ZNF75D: variants seen among roughly 807,000 people sequenced by gnomAD.
ZNF75D encodes zinc finger protein 75D, also known as zinc finger protein 75.
A neutral mutation model predicts 33.3 loss-of-function variants in ZNF75D; 33 were observed. That is an observed-to-expected ratio of 0.99 (90% CI 0.75 to 1.32). The LOEUF (loss-of-function observed/expected upper bound fraction) is 1.32. ZNF75D is among the 40% of genes most tolerant of loss of function. The pLI, the probability that ZNF75D is intolerant of heterozygous loss-of-function variation, is 0.00. For missense variants in ZNF75D, 338 were observed against 367.5 expected (o/e 0.92, Z 0.66); for synonymous variants, 113 against 130.6 (o/e 0.87, Z 0.92).
intron 1 of ZNF75D, among the ~76,000 whole-genome samples, chrX:135,321,785 A>G (rs185678775): frequency 1.4e-3 from 161 of 111,976 alleles, no homozygotes; most frequent in African/African-American, 4.9e-3. Context: ...GGCTGGTGGG[A>G]AAAATTTTAG....
At chrX:135,256,987 A>G (rs1556414307) in intron 1 of ZNF75D, among the ~76,000 whole-genome samples, 1 of 111,258 alleles carries the variant, frequency 9.0e-6, no homozygotes. Context: ...AGGACCTATC[A>G]CCTGCTGACT....
chrX:135,332,470 C>T (rs2084662745), intron 1 of ZNF75D, among the ~76,000 whole-genome samples: 1 of 111,116 alleles, frequency 9.0e-6, no homozygotes, highest in Non-Finnish European at 1.9e-5. Context: ...CTCATTCATC[C>T]CTTCTGCCAT....
chrX:135,336,270 C>T (rs1446285115), intron 1 of ZNF75D, among the ~76,000 whole-genome samples: 1 of 111,930 alleles, frequency 8.9e-6, no homozygotes, highest in Non-Finnish European at 1.9e-5. Flanking sequence ...TCTGCTGGTG[C>T]CTTGATTTTG....
chrX:135,323,019 T>C (rs1556435490), intron 1 of ZNF75D, among the ~76,000 whole-genome samples: 1 of 112,634 alleles, frequency 8.9e-6, no homozygotes, highest in Non-Finnish European at 1.9e-5. Context: ...AAATTAATTC[T>C]GAATCCAGAG....
rs555179105 is a variant in ZNF75D at position 135,325,144 on chromosome X, T to C, written c.-391+16624A>G. Among the ~76,000 whole-genome samples, 10 of 109,606 alleles carry C rather than the reference T, an allele frequency of 9.1e-5. No homozygotes were observed. In the South Asian group the frequency reaches 4.0e-3, roughly 44 times the overall value. ...TCAGAGGTTGGCTGAGGTGACCACA[T>C]GATAAATGCTAAGGGAGGAGGATTA... On this transcript the variant is annotated intron_variant, in intron 1 of 6. Coordinates refer to ENST00000370766, the MANE Select transcript of ZNF75D (RefSeq NM_007131.5).
At chrX:135,279,470 T>C (rs1455263847) in intron 1 of ZNF75D, among the ~76,000 whole-genome samples, 4 of 111,869 alleles carry the variant, frequency 3.6e-5, no homozygotes, top group African/African-American at 1.3e-4. Context: ...GAAGGGTTTT[T>C]CATGTCTCTA....
chrX:135,313,868 A>G (rs1212302356), intron 1 of ZNF75D, among the ~76,000 whole-genome samples: 2 of 112,145 alleles, frequency 1.8e-5, no homozygotes, highest in Non-Finnish European at 3.8e-5. Context: ...ACATTTGTTT[A>G]TCAGCTCTAA....
chrX:135,269,252 G>C (rs989304111), intron 1 of ZNF75D, among the ~76,000 whole-genome samples: 1 of 111,617 alleles, frequency 9.0e-6, no homozygotes, highest in Non-Finnish European at 1.9e-5. Flanking sequence ...GGACAAATGG[G>C]ATCATATCAA....
chrX:135,333,126 A>C (rs1346435404), intron 1 of ZNF75D, among the ~76,000 whole-genome samples: 1 of 111,533 alleles, frequency 9.0e-6, no homozygotes, highest in Non-Finnish European at 1.9e-5. Flanking sequence ...GAGAGAAAGA[A>C]AATTTGGCTG....
chrX:135,280,215 T>C (rs2083914921), intron 1 of ZNF75D, among the ~76,000 whole-genome samples: 1 of 112,398 alleles, frequency 8.9e-6, no homozygotes, highest in African/African-American at 3.2e-5. Context: ...TCTTGTTGCA[T>C]TGATCCCTTT....
chrX:135,313,331 A>G (rs1012473782), intron 1 of ZNF75D, among the ~76,000 whole-genome samples: 2 of 111,730 alleles, frequency 1.8e-5, no homozygotes, highest in African/African-American at 6.5e-5. Context: ...AGAGTTCTCT[A>G]TACATTGGTC....
chrX:135,311,242 A>C (rs1324068482), intron 1 of ZNF75D, among the ~76,000 whole-genome samples: 1 of 111,930 alleles, frequency 8.9e-6, no homozygotes, highest in African/African-American at 3.2e-5. Context: ...GGCAGTAGAC[A>C]AAATCGCTGA....
intron 1 of ZNF75D, among the ~76,000 whole-genome samples, chrX:135,269,970 G>A (rs1408224790): frequency 9.0e-6 from 1 of 111,071 alleles, no homozygotes; most frequent in Non-Finnish European, 1.9e-5. Context: ...AGGTCATTAT[G>A]TTAAGCAAAG....
At chrX:135,268,794 G>T (rs148490356) in intron 1 of ZNF75D, among the ~76,000 whole-genome samples, 219 of 111,488 alleles carry the variant, frequency 2.0e-3, no homozygotes, top group African/African-American at 6.7e-3. Context: ...AGCCAAAGCT[G>T]TCCTGAGCAA....
In ZNF75D at chrX:135,289,194, A is replaced by G. The variant is rs2083999811; in HGVS notation, c.824-1348T>C. Among the ~76,000 whole-genome samples the G allele has an allele frequency of 2.7e-5, 3 of 112,957 alleles. No homozygotes were observed. The South Asian group carries it at 1.1e-3, about 40-fold the overall frequency. ...AGTGGTGCTGCTCAGTGGCTTGCAT[A>G]TAGACTTGCTATGAAGAAATGCAGA... On this transcript the variant is annotated intron_variant, in intron 6 of 6. Coordinates refer to ENST00000370766, the MANE Select transcript of ZNF75D (RefSeq NM_007131.5).
In ZNF75D at chrX:135,293,826, G is replaced by C. The variant is rs1556421953; in HGVS notation, c.315C>G (p.Thr105=). ...GATGATGCTTCTGCACCCAGTTCTGGGTCTCCTTGGGCAGAATGCTCAGGA... is the reference window on the plus strand; with the variant it reads ...GATGATGCTTCTGCACCCAGTTCTGCGTCTCCTTGGGCAGAATGCTCAGGA... ...EQFLSILPKE[T]QNWVQKHHPQ... The change falls in exon 3 of 7, where the codon ACC becomes ACG. Residue 105 remains threonine, a synonymous_variant. Transcript: ENST00000370766. The C allele has an allele frequency of 8.3e-7, 1 of 1,210,114 alleles. No homozygotes were observed.
downstream of ZNF75D, among the ~76,000 whole-genome samples, chrX:135,284,499 C>A (rs1343464971): frequency 9.0e-6 from 1 of 111,623 alleles, no homozygotes; most frequent in African/African-American, 3.3e-5. Context: ...GCACTGATTT[C>A]TAGATCCTGT....
chrX:135,307,495 A>G (rs782104116), intron 1 of ZNF75D, among the ~76,000 whole-genome samples: 190 of 112,012 alleles, frequency 1.7e-3, no homozygotes, highest in African/African-American at 5.9e-3. Context: ...CATGTCCTGC[A>G]TATAGACACT....
downstream of ZNF75D, among the ~76,000 whole-genome samples, chrX:135,282,569 C>T (rs1461367213): frequency 9.0e-6 from 1 of 111,560 alleles, no homozygotes; most frequent in Non-Finnish European, 1.9e-5. Context: ...TCAGTGTCTG[C>T]CCAAATAGCT....
Sources: allele counts gnomAD v4.1 joint callset (sites outside exome capture counted in the v4.1 genomes callset), GRCh38; gene constraint gnomAD v4.1.1; transcripts MANE v1.5; gene names NCBI Gene and HGNC (gene_info 2026-07-23, HGNC 2026-07-21).